The following PREPL variants were observed in gnomAD, a reference collection of about 807,000 sequenced individuals.
PREPL encodes the protein prolyl endopeptidase like, also known as prolyl endopeptidase-like.
Under a neutral mutation model 70.6 loss-of-function variants are expected in PREPL, and 77 were observed. The ratio of observed to expected loss-of-function variants is 1.09; its 90% CI spans 0.91 to 1.32. PREPL has a LOEUF of 1.32. Ranked by LOEUF, PREPL falls within the 40% of genes most tolerant of loss-of-function variation. The pLI is 0.00. For missense variants in PREPL, 1,002 were observed against 778.2 expected (o/e 1.29, Z -3.42); for synonymous variants, 315 against 264.8 (o/e 1.19, Z -1.84).
chr2:44,326,616 T>C, intron 10 of PREPL, 96 bp downstream of exon 10: 1 of 1,283,208 alleles, frequency 7.8e-7, no homozygotes, highest in Non-Finnish European at 1.1e-6. Flanking sequence ...ATTACAGGCA[T>C]GAGCCGCTGT....
Position 44,338,361 on chromosome 2 carries a change from C to G in PREPL, c.878G>C (p.Arg293Pro). The change falls in exon 7 of 14, where the codon CGG (arginine) becomes CCG (proline). Residue 293 changes from arginine to proline, a missense_variant. Coordinates refer to ENST00000409411, the MANE Select transcript of PREPL (RefSeq NM_001171613.2). ...GAAAATTAAACATACCTTTAGAGAC[C>G]GAACTGAATCATCAGCCAGACCAAT... ...NVIGLADDSVRSLKLPPWACG... is the reference protein window; with the variant it reads ...NVIGLADDSVPSLKLPPWACG... 2 of 1,610,600 alleles carry G rather than the reference C, an allele frequency of 1.2e-6. No homozygotes were observed. Among genetic ancestry groups the G allele is most frequent in the Non-Finnish European group, 1.7e-6 (2 of 1,179,156 alleles).
At chr2:44,330,877 C>A (rs1174804279) in intron 8 of PREPL, among the ~76,000 whole-genome samples, 1 of 152,088 alleles carries the variant, frequency 6.6e-6, no homozygotes, top group Non-Finnish European at 1.5e-5. Flanking sequence ...TGTGTCTCAT[C>A]TCTCTCTACT....
In PREPL at chr2:44,320,640, G is replaced by A. The variant is rs771277513; in HGVS notation, c.*716C>T. On this transcript the variant is annotated 3_prime_UTR_variant, in exon 14 of 14. Coordinates refer to ENST00000409411, the MANE Select transcript of PREPL (RefSeq NM_001171613.2). The stretch of plus-strand genomic sequence containing the variant: ...GAACATACTGTATACCTCGTGTTAG[G>A]CACCTTTATGAAGAGATGAAGACAC... The A allele has an allele frequency of 6.2e-7, 1 of 1,612,026 alleles. No homozygotes were observed. The highest frequency in any genetic ancestry group is 8.5e-7 in the Non-Finnish European group (1 of 1,178,356).
chr2:44,334,590 G>C (rs890395209), intron 7 of PREPL, among the ~76,000 whole-genome samples: 3 of 152,180 alleles, frequency 2.0e-5, no homozygotes, highest in Non-Finnish European at 4.4e-5. Flanking sequence ...CTTGCACCCA[G>C]GCTGGAATGC....
chr2:44,317,973 T>G lies in PREPL; in HGVS notation c.*3383A>C, dbSNP rs7602693. 5.7e-3 allele frequency: 1,542 copies of G among 272,768 alleles called. 27 individuals carry two copies. Among genetic ancestry groups the G allele is most frequent in the African/African-American group, 0.033 (1,429 of 42,756 alleles). The allele number at this position is 272,768 out of a possible 1,614,324, so 16.9% of individuals were successfully genotyped here. Reference sequence around the variant, plus strand: ...ATATAGCAAGCAAATAATAGAAAGCTTGCAACCCAGCTATAGCTATAAACA... The same window carrying G: ...ATATAGCAAGCAAATAATAGAAAGCGTGCAACCCAGCTATAGCTATAAACA... On this transcript the variant is annotated 3_prime_UTR_variant, in exon 14 of 14. Coordinates refer to ENST00000409411, the MANE Select transcript of PREPL (RefSeq NM_001171613.2).
intron 6 of PREPL, 51 bp from the exon 7 acceptor site, chr2:44,338,587 C>A (rs749973841): frequency 3.5e-6 from 5 of 1,435,740 alleles, no homozygotes; most frequent in Non-Finnish European, 3.8e-6. Context: ...ACGAAGGCTG[C>A]AGCATCCAGA....
chr2:44,343,894 G>A lies in PREPL; in HGVS notation c.200C>T (p.Pro67Leu), dbSNP rs758533374. ...AGCAACTCTGATACAATCAATGAAG[G>A]GCTGGTCTAACTTAAGTTCCTCCAA... ...FNLEELKLDQ[P>L]FIDCIRVAPD... The change falls in exon 4 of 14, where the codon CCC (proline) becomes CTC (leucine). Residue 67 changes from proline to leucine, a missense_variant. By Grantham distance (98) the Pro-to-Leu change is moderately conservative (BLOSUM62 -3). Coordinates refer to ENST00000409411, the MANE Select transcript of PREPL (RefSeq NM_001171613.2). 2 of 1,613,784 alleles carry A rather than the reference G, an allele frequency of 1.2e-6. No individual in the cohort carries two copies. The highest frequency in any genetic ancestry group is 1.7e-6 in the Non-Finnish European group (2 of 1,179,936).
At chr2:44,338,856 T>A (rs561379625) in intron 6 of PREPL, among the ~76,000 whole-genome samples, 1 of 152,238 alleles carries the variant, frequency 6.6e-6, no homozygotes, top group Non-Finnish European at 1.5e-5. Context: ...CTGAGATCAA[T>A]CCAAATTGCC....
intron 1 of PREPL, chr2:44,347,322 C>A (rs1330065283): frequency 1.3e-5 from 2 of 152,032 alleles, no homozygotes; most frequent in Non-Finnish European, 2.9e-5. Flanking sequence ...CAGAGTGAGA[C>A]CCTGTCTCAA....
intron 7 of PREPL, among the ~76,000 whole-genome samples, chr2:44,334,904 C>A (rs542343246): frequency 1.6e-3 from 239 of 152,202 alleles, no homozygotes; most frequent in African/African-American, 5.5e-3. Flanking sequence ...GCCCACCAGG[C>A]AGAGATACTG....
At chr2:44,355,792 C>A (rs1010422489) in intron 1 of PREPL, among the ~76,000 whole-genome samples, 1 of 148,780 alleles carries the variant, frequency 6.7e-6, no homozygotes, top group African/African-American at 2.5e-5. Context: ...CACACACACA[C>A]ATATGAATAT....
In PREPL at chr2:44,318,123, C is replaced by G. The variant is rs918546037; in HGVS notation, c.*3233G>C. ...TTTTTTTTTTTTTGAGACAGTCTTG[C>G]TCCGTCACCCATGCTCGAGTGCAGT... On this transcript the variant is annotated 3_prime_UTR_variant, in exon 14 of 14. Coordinates refer to ENST00000409411, the MANE Select transcript of PREPL (RefSeq NM_001171613.2). The G allele has an allele frequency of 2.5e-5, 11 of 436,244 alleles. No individual in the cohort carries two copies. The highest frequency in any genetic ancestry group is 3.4e-4 in the Middle Eastern group (1 of 2,920). The allele number at this position is 436,244 out of a possible 1,614,324, so 27.0% of individuals were successfully genotyped here.
chr2:44,352,817 A>T (rs1327047041), intron 1 of PREPL, among the ~76,000 whole-genome samples: 3 of 152,246 alleles, frequency 2.0e-5, no homozygotes, highest in Non-Finnish European at 2.9e-5. Flanking sequence ...GAAGATATCT[A>T]CAGCACATAT....
chr2:44,322,527 G>C lies in PREPL; in HGVS notation c.1753+204C>G, dbSNP rs111243165. ...TGTCCTGCCTATCTATTTTAATACT[G>C]TCCTTTGAAAAAGAGGTGAGGCAGT... On this transcript the variant is annotated intron_variant, in intron 12 of 13. Coordinates refer to ENST00000409411, the MANE Select transcript of PREPL (RefSeq NM_001171613.2). Among the ~76,000 whole-genome samples, 343 of 152,238 alleles carry C rather than the reference G, an allele frequency of 2.3e-3. 1 individual carries two copies. The Middle Eastern group carries it at 0.027, about 12-fold the overall frequency.
At position 44,321,157 on chromosome 2, in the gene PREPL, T is replaced by C. The variant is rs1174052620; in HGVS notation, c.*199A>G. ...TGATTTGAAAATTACTTTCCTAGGT[T>C]AATGGGCATGTGCATCAATGGAGAG... is the stretch of plus-strand genomic sequence containing the variant. On this transcript the variant is annotated 3_prime_UTR_variant, in exon 14 of 14. Coordinates refer to ENST00000409411, the MANE Select transcript of PREPL (RefSeq NM_001171613.2). The C allele has an allele frequency of 1.8e-6, 1 of 563,698 alleles. No homozygotes were observed. The highest frequency in any genetic ancestry group is 3.2e-6 in the Non-Finnish European group (1 of 312,272). 34.9% of individuals were successfully genotyped at this position (563,698 alleles called of 1,614,324 possible). A position where few individuals can be genotyped will look rare whatever the true frequency, so the allele number is the denominator to read the frequency against.
intron 1 of PREPL, among the ~76,000 whole-genome samples, chr2:44,354,073 A>G (rs747409953): frequency 1.3e-4 from 20 of 152,088 alleles, no homozygotes; most frequent in Non-Finnish European, 1.6e-4. Flanking sequence ...GGAAGACAGC[A>G]CGAGCCCAGG....
At chr2:44,353,439 T>A (rs1402882776) in intron 1 of PREPL, among the ~76,000 whole-genome samples, 1 of 151,422 alleles carries the variant, frequency 6.6e-6, no homozygotes, top group Admixed American at 6.6e-5. Flanking sequence ...AAAAAAAAAA[T>A]TAGCTGGGCA....
Position 44,321,420 on chromosome 2 carries a change from T to A in PREPL, c.1853A>T (p.Tyr618Phe). Residue 618 changes from tyrosine (Y) to phenylalanine (F), a missense_variant, in exon 14 of 14, where the codon TAC becomes TTC. Transcript: ENST00000409411. Reference sequence around the variant, plus strand: ...GGTGCTGTCAAGTCCAAGTTCCTCGTACAGGAATTTAATTTGGGCTGTAAT... The same window carrying A: ...GGTGCTGTCAAGTCCAAGTTCCTCGAACAGGAATTTAATTTGGGCTGTAAT... ...KKITAQIKFLYEELGLDSTSV... is the reference protein window; with the variant it reads ...KKITAQIKFLFEELGLDSTSV... 3 of 1,612,844 alleles carry A rather than the reference T, an allele frequency of 1.9e-6. No individual in the cohort carries two copies. Among genetic ancestry groups the A allele is most frequent in the South Asian group, 1.1e-5 (1 of 91,008 alleles).
chr2:44,361,286 GT>G (rs1268903522), intron 1 of PREPL, 93 bp downstream of exon 1: 1 of 152,312 alleles, frequency 6.6e-6, no homozygotes, highest in African/African-American at 2.4e-5. Context: ...CGGGACATTA[GT>G]CAAAAAGCGA....
Sources: allele counts gnomAD v4.1 joint callset (sites outside exome capture counted in the v4.1 genomes callset), GRCh38; gene constraint gnomAD v4.1.1; transcripts MANE v1.5; gene names NCBI Gene and HGNC (gene_info 2026-07-23, HGNC 2026-07-21).